Variants in GALNT13 observed in about 807,000 individuals in gnomAD.
GALNT13 encodes the protein polypeptide N-acetylgalactosaminyltransferase 13.
GALNT13 carries 28 observed loss-of-function variants against 64.2 expected under a neutral mutation model. The ratio of observed to expected loss-of-function variants is 0.44; its 90% confidence interval spans 0.32 to 0.60. The LOEUF is 0.60. GALNT13 is among the 20% of genes least tolerant of loss of function. GALNT13 has a pLI of 0.05. For synonymous variants in GALNT13, 214 were observed against 224.6 expected, an observed-to-expected ratio of 0.95 and a Z score of 0.42; for missense variants, 577 against 669.8, an observed-to-expected ratio of 0.86 and a Z score of 1.53.
chr2:153,581,365 T>C, the GALNT13 span, among the ~76,000 whole-genome samples: 1 of 152,118 alleles, frequency 6.6e-6, no homozygotes, highest in South Asian at 2.1e-4. Flanking sequence ...ATGTTTCTTT[T>C]TTTCCCACGG....
chr2:153,932,603 T>TTTTTTTGG (rs1690607121), intron 2 of GALNT13, among the ~76,000 whole-genome samples: 1 of 148,514 alleles, frequency 6.7e-6, no homozygotes, highest in African/African-American at 2.5e-5. Context: ...TTCTTTTTCT[T>TTTTTTTGG]TTTTTTCTTT....
At chr2:153,490,281 GATAA>G in the GALNT13 span, among the ~76,000 whole-genome samples, 2 of 152,128 alleles carry the variant, frequency 1.3e-5, no homozygotes, top group Non-Finnish European at 2.9e-5. Context: ...ATTATTCATA[GATAA>G]ATATAGACAA....
chr2:153,728,176 G>C, the GALNT13 span, among the ~76,000 whole-genome samples: 1 of 152,104 alleles, frequency 6.6e-6, no homozygotes, highest in East Asian at 1.9e-4. Flanking sequence ...CTAAATCCTT[G>C]CTCTTCTAGA....
the GALNT13 span, among the ~76,000 whole-genome samples, chr2:153,070,923 G>A: frequency 6.6e-6 from 1 of 152,160 alleles, no homozygotes; most frequent in Non-Finnish European, 1.5e-5. Context: ...TAAAGGCAAT[G>A]TGAAATTCAA....
chr2:153,401,099 G>A, the GALNT13 span, among the ~76,000 whole-genome samples: 5 of 152,048 alleles, frequency 3.3e-5, 1 homozygote, highest in East Asian at 7.7e-4. Context: ...TGCTTTGAAT[G>A]TGTCCCAGAG....
chr2:153,382,647 T>G, the GALNT13 span, among the ~76,000 whole-genome samples: 28 of 152,160 alleles, frequency 1.8e-4, no homozygotes, highest in African/African-American at 6.3e-4. Flanking sequence ...TTTTACTTGT[T>G]ATTTGCTTCA....
chr2:154,117,036 C>T (rs1009377668), intron 3 of GALNT13, among the ~76,000 whole-genome samples: 3 of 152,142 alleles, frequency 2.0e-5, no homozygotes, highest in Admixed American at 6.5e-5. Context: ...TGTTCAAGGG[C>T]AGGAAGCATC....
At chr2:153,120,856 T>C in the GALNT13 span, among the ~76,000 whole-genome samples, 1 of 152,126 alleles carries the variant, frequency 6.6e-6, no homozygotes, top group Admixed American at 6.6e-5. Context: ...AAGCTTTCTG[T>C]TAACGAGAGT....
the GALNT13 span, among the ~76,000 whole-genome samples, chr2:153,352,122 T>C: frequency 1.3e-5 from 2 of 152,166 alleles, no homozygotes; most frequent in Non-Finnish European, 2.9e-5. Flanking sequence ...GCAATATTTG[T>C]TTGTATTAGC....
In GALNT13 at chr2:154,069,616, G is replaced by C. The variant is rs1188058262; in HGVS notation, c.143-70721G>C. ...ATTTATATGAAATTCAAAAGACATA[G>C]CTAGAATAATGTTTAAGAAGAAGAA... is the stretch of plus-strand genomic sequence containing the variant. On this transcript the variant is annotated intron_variant, in intron 3 of 12. Transcript: ENST00000392825. Among the ~76,000 whole-genome samples the C allele has an allele frequency of 2.0e-5, 3 of 151,738 alleles. No individual in the cohort carries two copies. In the East Asian group the frequency reaches 5.8e-4, roughly 29 times the overall value.
chr2:154,158,005 G>A (rs1398214455), intron 4 of GALNT13, among the ~76,000 whole-genome samples: 1 of 152,138 alleles, frequency 6.6e-6, no homozygotes, highest in African/African-American at 2.4e-5. Flanking sequence ...CTAAGGGTAA[G>A]GCCTAAGGGT....
At chr2:153,629,518 A>G in the GALNT13 span, among the ~76,000 whole-genome samples, 4 of 152,106 alleles carry the variant, frequency 2.6e-5, no homozygotes, top group Non-Finnish European at 5.9e-5. Flanking sequence ...TAAAGACTTC[A>G]ATGTTAGACG....
chr2:154,137,592 A>C (rs1042557567), intron 3 of GALNT13, among the ~76,000 whole-genome samples: 2 of 152,178 alleles, frequency 1.3e-5, no homozygotes, highest in Non-Finnish European at 2.9e-5. Context: ...TATAACTTAC[A>C]TAATGTGAAA....
At chr2:153,989,447 G>A (rs753354881) in intron 3 of GALNT13, among the ~76,000 whole-genome samples, 25 of 151,840 alleles carry the variant, frequency 1.6e-4, no homozygotes, top group Non-Finnish European at 2.2e-4. Flanking sequence ...GTCTAAATAC[G>A]TTGATAAAAG....
At chr2:153,777,014 G>C in the GALNT13 span, among the ~76,000 whole-genome samples, 1 of 151,978 alleles carries the variant, frequency 6.6e-6, no homozygotes, top group Non-Finnish European at 1.5e-5. Flanking sequence ...ACATACCTGT[G>C]GAAGTGTTTT....
At chr2:154,225,101 G>GAGAGAGAT (rs1688519653) in intron 4 of GALNT13, among the ~76,000 whole-genome samples, 4 of 136,230 alleles carry the variant, frequency 2.9e-5, no homozygotes, top group African/African-American at 5.6e-5. Context: ...CACACATGGA[G>GAGAGAGAT]AGATAGATAG....
the GALNT13 span, among the ~76,000 whole-genome samples, chr2:153,403,404 AG>A: frequency 2.0e-5 from 3 of 152,118 alleles, no homozygotes; most frequent in East Asian, 1.9e-4. Flanking sequence ...CTGCCCCCAG[AG>A]GTGGAGCCTA....
At chr2:153,092,941 G>A in the GALNT13 span, among the ~76,000 whole-genome samples, 1 of 152,150 alleles carries the variant, frequency 6.6e-6, no homozygotes, top group South Asian at 2.1e-4. Context: ...GACCTTAGAG[G>A]AAAGGCTTTC....
At chr2:153,643,588 A>T in the GALNT13 span, among the ~76,000 whole-genome samples, 4 of 151,744 alleles carry the variant, frequency 2.6e-5, no homozygotes, top group Admixed American at 1.3e-4. Flanking sequence ...CCATACTATA[A>T]AAAAAAGTAA....
Sources: gnomAD v4.1 joint callset for allele counts (sites outside exome capture counted in the v4.1 genomes callset) on GRCh38, gnomAD v4.1.1 for gene constraint, MANE v1.5 for transcripts, NCBI Gene and HGNC (gene_info 2026-07-23, HGNC 2026-07-21) for gene names.